Variants in GARIN1B observed in about 807,000 individuals in gnomAD.
GARIN1B encodes golgi associated RAB2 interactor 1B, also known as Golgi-associated RAB2 interactor protein 1B.
the GARIN1B span, chr7:128,717,086 A>AG: frequency 8.4e-7 from 1 of 1,194,822 alleles, no homozygotes; most frequent in Non-Finnish European, 1.2e-6. Context: ...CAAGGAGAAG[A>AG]TAGAGATGTC....
At chr7:128,719,011 C>T in the GARIN1B span, 6 of 1,614,000 alleles carry the variant, frequency 3.7e-6, no homozygotes, top group Middle Eastern at 1.6e-4. Context: ...CCATCACCAC[C>T]AAAGACCCTA....
At chr7:128,731,031 G>A in the GARIN1B span, 1 of 1,364,064 alleles carries the variant, frequency 7.3e-7, no homozygotes, top group African/African-American at 1.4e-5. Context: ...ATAAGTATCT[G>A]TGTGCCCACA....
chr7:128,709,100 A>AT, the GARIN1B span: 2 of 152,156 alleles, frequency 1.3e-5, no homozygotes, highest in Admixed American at 1.3e-4. Flanking sequence ...AGACATAATG[A>AT]TGGCAGGAGC....
chr7:128,720,202 T>C, the GARIN1B span, among the ~76,000 whole-genome samples: 1 of 126,566 alleles, frequency 7.9e-6, no homozygotes, highest in South Asian at 2.6e-4. Flanking sequence ...TTTTCCTTCT[T>C]CTTTTTTTTT....
At chr7:128,714,752 G>A in the GARIN1B span, among the ~76,000 whole-genome samples, 1 of 152,106 alleles carries the variant, frequency 6.6e-6, no homozygotes, top group Non-Finnish European at 1.5e-5. Flanking sequence ...TCCAAGAGGG[G>A]GAACAGCTTG....
chr7:128,723,594 C>T, the GARIN1B span, among the ~76,000 whole-genome samples: 31,735 of 149,306 alleles, frequency 0.21, 3,445 homozygotes, highest in South Asian at 0.28. Context: ...GCTCTCACTC[C>T]GTCGCCCAGG....
the GARIN1B span, chr7:128,731,435 G>A: frequency 9.0e-6 from 4 of 446,052 alleles, no homozygotes; most frequent in African/African-American, 7.8e-5. Flanking sequence ...AAATGGAGGT[G>A]ATGAGAAAGG....
chr7:128,719,697 C>CT, the GARIN1B span, among the ~76,000 whole-genome samples: 37,387 of 99,060 alleles, frequency 0.38, 8,933 homozygotes, highest in African/African-American at 0.48. Context: ...TTTTGTTTTG[C>CT]TTTTTTTTTT....
the GARIN1B span, chr7:128,731,393 G>A: frequency 1.9e-6 from 1 of 527,582 alleles, no homozygotes; most frequent in South Asian, 2.5e-5. Context: ...AGGAGTGAAA[G>A]GGAAGTAGGA....
the GARIN1B span, chr7:128,714,072 C>T: frequency 1.4e-5 from 22 of 1,535,616 alleles, no homozygotes; most frequent in African/African-American, 6.8e-5. Flanking sequence ...GGAGCTATAA[C>T]AGGTGCTGGA....
the GARIN1B span, among the ~76,000 whole-genome samples, chr7:128,725,794 A>G: frequency 6.5e-3 from 982 of 151,892 alleles, 7 homozygotes; most frequent in Non-Finnish European, 9.7e-3. Context: ...CCCATTTTGC[A>G]TAGACATGTA....
At chr7:128,730,048 C>A in the GARIN1B span, 1 of 1,614,036 alleles carries the variant, frequency 6.2e-7, no homozygotes, top group Admixed American at 1.7e-5. Context: ...CTCCACCGGG[C>A]CACAGCTGGC....
the GARIN1B span, among the ~76,000 whole-genome samples, chr7:128,714,835 A>G: frequency 4.6e-5 from 7 of 152,168 alleles, no homozygotes; most frequent in South Asian, 4.1e-4. Context: ...CCTCTGGATA[A>G]GAAACTAATT....
chr7:128,715,712 T>C, the GARIN1B span: 70 of 1,585,608 alleles, frequency 4.4e-5, 1 homozygote, highest in South Asian at 6.6e-4. Flanking sequence ...TGGCGCAGAA[T>C]AGCACTCTTT....
At chr7:128,715,755 G>T in the GARIN1B span, 1 of 1,375,840 alleles carries the variant, frequency 7.3e-7, no homozygotes, top group Admixed American at 1.8e-5. Context: ...AGATATGACT[G>T]AGAGAGTCCA....
At chr7:128,723,375 T>C in the GARIN1B span, 2 of 1,579,842 alleles carry the variant, frequency 1.3e-6, no homozygotes, top group Admixed American at 3.5e-5. Context: ...CCAGATGGTC[T>C]GGGCTGTGAG....
At chr7:128,724,189 T>G in the GARIN1B span, among the ~76,000 whole-genome samples, 1 of 151,992 alleles carries the variant, frequency 6.6e-6, no homozygotes, top group Non-Finnish European at 1.5e-5. Flanking sequence ...TATTGTATTT[T>G]TAGTAGAGAC....
chr7:128,713,661 G>T, the GARIN1B span, among the ~76,000 whole-genome samples: 9 of 152,268 alleles, frequency 5.9e-5, no homozygotes, highest in African/African-American at 2.2e-4. Context: ...AAAATCCTTT[G>T]CTCACAATCA....
the GARIN1B span, chr7:128,730,109 C>T: frequency 1.3e-6 from 2 of 1,591,810 alleles, no homozygotes; most frequent in African/African-American, 1.3e-5. Flanking sequence ...TGTGGGGCAG[C>T]CCTGGCATTC....
Sources: allele counts gnomAD v4.1 joint callset (sites outside exome capture counted in the v4.1 genomes callset), GRCh38; gene constraint gnomAD v4.1.1; transcripts MANE v1.5; gene names NCBI Gene and HGNC (gene_info 2026-07-23, HGNC 2026-07-21).